Variants in NRXN3 observed in about 807,000 individuals in gnomAD.
The protein encoded by NRXN3 is neurexin III.
In NRXN3, 32 loss-of-function variants were observed where a neutral mutation model predicts 137.6. The observed-to-expected ratio is 0.23, with a 90% confidence interval of 0.18 to 0.31. NRXN3 has a LOEUF of 0.31. Ranked by LOEUF, NRXN3 falls within the 10% of genes least tolerant of loss-of-function variation. NRXN3 has a pLI of 1.00. For missense variants in NRXN3, 1,574 were observed against 2,062.5 expected, an observed-to-expected ratio of 0.76 and a Z score of 4.59; for synonymous variants, 798 against 784.5, an observed-to-expected ratio of 1.02 and a Z score of -0.29.
intron 15 of NRXN3, among the ~76,000 whole-genome samples, chr14:79,344,666 A>C (rs2092780526): frequency 2.0e-5 from 3 of 152,214 alleles, no homozygotes. Context: ...GTGTAAAAAT[A>C]AGAAACAGAT....
chr14:78,367,924 A>G (rs2086222307), intron 4 of NRXN3, among the ~76,000 whole-genome samples: 1 of 152,208 alleles, frequency 6.6e-6, no homozygotes. Flanking sequence ...CTTCATTTCT[A>G]TCACTAACTA....
intron 8 of NRXN3, among the ~76,000 whole-genome samples, chr14:78,730,033 G>A (rs2098507417): frequency 6.6e-6 from 1 of 152,176 alleles, no homozygotes; most frequent in African/African-American, 2.4e-5. Context: ...GATTTTCGTA[G>A]TTGGAGATGT....
At chr14:79,631,645 C>T (rs188871946) in intron 16 of NRXN3, among the ~76,000 whole-genome samples, 13 of 152,278 alleles carry the variant, frequency 8.5e-5, no homozygotes, top group African/African-American at 2.6e-4. Flanking sequence ...GAGGTGAAGC[C>T]GGCTGGGCTT....
rs370862037 is a variant in NRXN3, at chr14:78,630,597, C to CTT, written c.758-14508_758-14507dup. Among the ~76,000 whole-genome samples the CTT allele has an allele frequency of 6.1e-3, 782 of 127,454 alleles. 2 individuals carry two copies. Among genetic ancestry groups the CTT allele is most frequent in the African/African-American group, 0.013 (450 of 34,592 alleles). The allele number at this position is 127,454 out of a possible 152,430, so 83.6% of individuals were successfully genotyped here. On this transcript the variant is annotated intron_variant, in intron 4 of 20. Coordinates refer to ENST00000335750, the MANE Select transcript of NRXN3 (RefSeq NM_001330195.2). ...TCTTCTTATTTTTCTTTCTTTCTTT[C>CTT]TTTTTTTTTTTTTTTTGTTGTTTTT... is the stretch of plus-strand genomic sequence containing the variant.
chr14:79,854,948 G>A (rs544424471), intron 20 of NRXN3, among the ~76,000 whole-genome samples: 105 of 152,198 alleles, frequency 6.9e-4, no homozygotes, highest in African/African-American at 1.1e-3. Context: ...TGATACTGAC[G>A]CCTTCCAGTG....
At chr14:78,636,988 T>A (rs1277104978) in intron 4 of NRXN3, among the ~76,000 whole-genome samples, 1 of 152,106 alleles carries the variant, frequency 6.6e-6, no homozygotes, top group Non-Finnish European at 1.5e-5. Flanking sequence ...TATTTTTTAT[T>A]TTTTAGCAAT....
At chr14:78,746,962 G>A (rs2098610673) in intron 8 of NRXN3, among the ~76,000 whole-genome samples, 1 of 152,120 alleles carries the variant, frequency 6.6e-6, no homozygotes, top group African/African-American at 2.4e-5. Flanking sequence ...CCTGGCTCTG[G>A]GCTGATTAAT....
At chr14:78,702,719 C>T (rs558445680) in intron 6 of NRXN3, among the ~76,000 whole-genome samples, 1 of 152,104 alleles carries the variant, frequency 6.6e-6, no homozygotes, top group Admixed American at 6.5e-5. Flanking sequence ...TCTGGGATTA[C>T]AGGCGAAAGC....
At chr14:79,567,084 A>G (rs562942543) in intron 16 of NRXN3, among the ~76,000 whole-genome samples, 1 of 152,196 alleles carries the variant, frequency 6.6e-6, no homozygotes, top group South Asian at 2.1e-4. Context: ...AACCTTGCTG[A>G]TATCTGCTCT....
chr14:78,821,371 T>G (rs1190830590), intron 10 of NRXN3, among the ~76,000 whole-genome samples: 2 of 152,150 alleles, frequency 1.3e-5, no homozygotes, highest in Non-Finnish European at 2.9e-5. Flanking sequence ...AAGACCTGCT[T>G]ATTTCCTGTG....
chr14:79,083,134 T>A (rs573436605), intron 15 of NRXN3, among the ~76,000 whole-genome samples: 7 of 152,352 alleles, frequency 4.6e-5, no homozygotes, highest in African/African-American at 1.7e-4. Flanking sequence ...CTGTGTGAGA[T>A]GTTGTACTAA....
chr14:79,232,938 C>A (rs1235683306), intron 15 of NRXN3, among the ~76,000 whole-genome samples: 1 of 151,886 alleles, frequency 6.6e-6, no homozygotes, highest in Non-Finnish European at 1.5e-5. Context: ...TATTATGCAC[C>A]AAAATAAATA....
chr14:79,016,400 T>C lies in NRXN3; in HGVS notation c.3262+28259T>C, dbSNP rs148856259. Among the ~76,000 whole-genome samples the C allele has an allele frequency of 4.7e-3, 723 of 152,346 alleles. 7 individuals are homozygous for C. The highest frequency in any genetic ancestry group is 0.016 in the African/African-American group (673 of 41,584). On this transcript the variant is annotated intron_variant, in intron 15 of 20. Transcript: ENST00000335750. Reference sequence around the variant, plus strand: ...GCATCTTGTGCAAGGGAAATCGTTTTAGATTTAGGAAACCTCTTACACAGT... The same window carrying C: ...GCATCTTGTGCAAGGGAAATCGTTTCAGATTTAGGAAACCTCTTACACAGT...
chr14:79,389,714 T>C (rs894838316), intron 15 of NRXN3, among the ~76,000 whole-genome samples: 1 of 152,068 alleles, frequency 6.6e-6, no homozygotes, highest in Admixed American at 6.5e-5. Context: ...TGTCTAAGAG[T>C]TGAATATGAG....
At chr14:79,666,568 G>A (rs752889640) in intron 17 of NRXN3, among the ~76,000 whole-genome samples, 4 of 152,074 alleles carry the variant, frequency 2.6e-5, no homozygotes, top group Non-Finnish European at 5.9e-5. Flanking sequence ...CACATAGCAA[G>A]TGAAGGAAGA....
chr14:79,188,094 A>G (rs2063751552), intron 15 of NRXN3, among the ~76,000 whole-genome samples: 1 of 152,226 alleles, frequency 6.6e-6, no homozygotes, highest in Non-Finnish European at 1.5e-5. Context: ...TCCTTCATTC[A>G]ACATTGCAAA....
chr14:78,898,490 C>A (rs184002508), intron 10 of NRXN3, among the ~76,000 whole-genome samples: 3 of 151,172 alleles, frequency 2.0e-5, no homozygotes, highest in Admixed American at 6.6e-5. Context: ...AGACAGGAAC[C>A]ATTTACATTA....
At chr14:79,191,006 C>G (rs1322904624) in intron 15 of NRXN3, among the ~76,000 whole-genome samples, 3 of 152,168 alleles carry the variant, frequency 2.0e-5, no homozygotes, top group African/African-American at 7.2e-5. Flanking sequence ...TCCACTAAGT[C>G]ATGGTCACTG....
chr14:79,866,440 T>C lies in NRXN3; in HGVS notation c.*4476T>C, dbSNP rs1266986437. 1 of 152,192 alleles carries C rather than the reference T, an allele frequency of 6.6e-6. No individual in the cohort carries two copies. The highest frequency in any genetic ancestry group is 2.4e-5 in the African/African-American group (1 of 41,458). The allele number at this position is 152,192 out of a possible 1,614,324, so 9.4% of individuals were successfully genotyped here. ...AAGGCTTCATAGAAGGGGTGACATTTTGGTAAACCTTGGAAAACTGATAGG... is the reference window on the plus strand; with the variant it reads ...AAGGCTTCATAGAAGGGGTGACATTCTGGTAAACCTTGGAAAACTGATAGG... On this transcript the variant is annotated 3_prime_UTR_variant, in exon 21 of 21. Transcript: ENST00000335750.
Sources: allele counts gnomAD v4.1 joint callset (sites outside exome capture counted in the v4.1 genomes callset), GRCh38; gene constraint gnomAD v4.1.1; transcripts MANE v1.5; gene names NCBI Gene and HGNC (gene_info 2026-07-23, HGNC 2026-07-21).